The following DNAAF9 variants were observed in gnomAD, a reference collection of about 807,000 sequenced individuals.
The protein encoded by DNAAF9 is dynein axonemal assembly factor 9.
Under a neutral mutation model 167.0 loss-of-function variants are expected in DNAAF9, and 90 were observed. The ratio of observed to expected loss-of-function variants is 0.54; its 90% CI spans 0.45 to 0.64. The LOEUF (loss-of-function observed/expected upper bound fraction) is 0.64, where lower values mean the gene tolerates loss of function less well. DNAAF9 is among the 30% of genes least tolerant of loss of function. The pLI, the probability that DNAAF9 is intolerant of heterozygous loss-of-function variation, is 0.00. For synonymous variants in DNAAF9, 491 were observed against 508.8 expected, an observed-to-expected ratio of 0.96 and a Z score of 0.47; for missense variants, 1,315 against 1,442.2, an observed-to-expected ratio of 0.91 and a Z score of 1.43.
chr20:3,324,809 T>G lies in DNAAF9; in HGVS notation c.1265+83A>C, dbSNP rs1039699367. 4 of 741,876 alleles carry G rather than the reference T, an allele frequency of 5.4e-6. No homozygotes were observed. The East Asian group carries it at 7.4e-5, about 14-fold the overall frequency. 46.0% of individuals were successfully genotyped at this position (741,876 alleles called of 1,614,324 possible). On this transcript the variant is annotated intron_variant, in intron 14 of 36. Transcript: ENST00000252032. ...ACTGAAACATTTCTCAAAGGGGAGA[T>G]GAAATCTAAATTATAAGGGAAAAAA... is the stretch of plus-strand genomic sequence containing the variant.
At position 3,304,457 on chromosome 20, in the gene DNAAF9, T is replaced by C. The variant is rs375517958; in HGVS notation, c.1765A>G (p.Ile589Val). The C allele has an allele frequency of 2.2e-5, 32 of 1,467,918 alleles. No individual in the cohort carries two copies. Among genetic ancestry groups the C allele is most frequent in the Non-Finnish European group, 2.9e-5 (30 of 1,047,176 alleles). The allele number at this position is 1,467,918 out of a possible 1,614,324, so 90.9% of individuals were successfully genotyped here. ...IIISKDHMNS[I>V]SFYDGDSTST... ...ACACCTACCCCATCATAGAAGGAAA[T>C]GGAATTCATGTGATCCTTGGAAATG... Residue 589 changes from isoleucine to valine, a missense_variant, in exon 21 of 37, where the codon ATT becomes GTT. By Grantham distance (29) the Ile-to-Val change is conservative (BLOSUM62 3). Coordinates refer to ENST00000252032, the MANE Select transcript of DNAAF9 (RefSeq NM_001009984.3).
At chr20:3,358,304 G>A (rs563913669) in intron 7 of DNAAF9, among the ~76,000 whole-genome samples, 2 of 151,746 alleles carry the variant, frequency 1.3e-5, no homozygotes, top group East Asian at 1.9e-4. Flanking sequence ...TTTTTTTTTA[G>A]ATGGAGTCTT....
Position 3,407,651 on chromosome 20 carries a change from G to A in DNAAF9, c.-94C>T, listed in dbSNP as rs1431955096. 2 of 1,129,782 alleles carry A rather than the reference G, an allele frequency of 1.8e-6. No homozygotes were observed. Among genetic ancestry groups the A allele is most frequent in the African/African-American group, 1.7e-5 (1 of 60,486 alleles). 70.0% of individuals were successfully genotyped at this position (1,129,782 alleles called of 1,614,324 possible). ...TCCACGCTAGCTGCGGCCGGGCGGGGCGGCAGGGCGTGCCGGGTGGGAGGG... is the reference window on the plus strand; with the variant it reads ...TCCACGCTAGCTGCGGCCGGGCGGGACGGCAGGGCGTGCCGGGTGGGAGGG... On this transcript the variant is annotated 5_prime_UTR_variant, in exon 1 of 37. Coordinates refer to ENST00000252032, the MANE Select transcript of DNAAF9 (RefSeq NM_001009984.3).
intron 7 of DNAAF9, among the ~76,000 whole-genome samples, chr20:3,351,666 T>C (rs1459264844): frequency 6.6e-6 from 1 of 151,960 alleles, no homozygotes; most frequent in Non-Finnish European, 1.5e-5. Flanking sequence ...TAAAATCACA[T>C]TTGGATGATA....
intron 20 of DNAAF9, among the ~76,000 whole-genome samples, chr20:3,305,313 A>G (rs1231020578): frequency 6.6e-5 from 10 of 152,240 alleles, no homozygotes; most frequent in Non-Finnish European, 4.4e-5. Context: ...CAAAGCACCC[A>G]TAAGACTCCT....
At chr20:3,253,908 A>T in intron 35 of DNAAF9, 89 bp from the exon 36 acceptor site, 2 of 774,762 alleles carry the variant, frequency 2.6e-6, no homozygotes, top group Non-Finnish European at 4.5e-6. Context: ...TTTCCCTAGC[A>T]AGATAGACTA....
intron 29 of DNAAF9, among the ~76,000 whole-genome samples, chr20:3,278,679 A>G (rs1028178019): frequency 2.0e-5 from 3 of 152,138 alleles, no homozygotes; most frequent in African/African-American, 7.2e-5. Flanking sequence ...AGACCACGCT[A>G]TTGCACTCCA....
chr20:3,324,022 A>G (rs1051071018), intron 14 of DNAAF9, among the ~76,000 whole-genome samples: 6 of 152,184 alleles, frequency 3.9e-5, no homozygotes, highest in Non-Finnish European at 8.8e-5. Context: ...AACTTCCTTT[A>G]TCCTTTCCCT....
At chr20:3,281,842 G>T in intron 27 of DNAAF9, 76 bp from the exon 28 acceptor site, 3 of 1,475,932 alleles carry the variant, frequency 2.0e-6, no homozygotes, top group Non-Finnish European at 2.8e-6. Context: ...ATCCCGAATG[G>T]CTGATTGAAC....
At chr20:3,318,949 G>T (rs1054281268) in intron 16 of DNAAF9, among the ~76,000 whole-genome samples, 8 of 151,810 alleles carry the variant, frequency 5.3e-5, no homozygotes, top group African/African-American at 1.9e-4. Context: ...CAGGCATGGT[G>T]GCGTGTGCCT....
At chr20:3,340,428 C>A in intron 10 of DNAAF9, 76 bp downstream of exon 10, 1 of 384,980 alleles carries the variant, frequency 2.6e-6, no homozygotes, top group Non-Finnish European at 5.4e-6. Context: ...TTCTTTTTGT[C>A]TAGCTCCCCC....
At chr20:3,389,168 AC>A (rs1461986645) in intron 1 of DNAAF9, among the ~76,000 whole-genome samples, 2 of 151,808 alleles carry the variant, frequency 1.3e-5, no homozygotes, top group African/African-American at 4.8e-5. Flanking sequence ...ATGAGGTTTC[AC>A]AGGTCTCACT....
At position 3,259,469 on chromosome 20, in the gene DNAAF9, C is replaced by T. The variant is rs201546754; in HGVS notation, c.3055+11G>A. Reference sequence around the variant, plus strand: ...ATGGTGTAGAGCTCCCAAATCCCAGCCCCTGGTTACCTGAAAACTTCACTT... The same window carrying T: ...ATGGTGTAGAGCTCCCAAATCCCAGTCCCTGGTTACCTGAAAACTTCACTT... On this transcript the variant is annotated intron_variant, in intron 33 of 36. Coordinates refer to ENST00000252032, the MANE Select transcript of DNAAF9 (RefSeq NM_001009984.3). The T allele has an allele frequency of 3.2e-5, 49 of 1,512,430 alleles. No homozygotes were observed. Among genetic ancestry groups the T allele is most frequent in the Non-Finnish European group, 4.1e-5 (46 of 1,108,726 alleles). 93.7% of individuals were successfully genotyped at this position (1,512,430 alleles called of 1,614,324 possible). A position where few individuals can be genotyped will look rare whatever the true frequency, so the allele number is the denominator to read the frequency against.
At chr20:3,326,142 A>G (rs1193045277) in intron 13 of DNAAF9, 55 bp downstream of exon 13, 2 of 1,272,012 alleles carry the variant, frequency 1.6e-6, no homozygotes, top group Non-Finnish European at 1.1e-6. Flanking sequence ...ACATGGATAG[A>G]ATGTTTTACA....
rs752793419 is a variant in DNAAF9, at chr20:3,296,841, A to G, written c.2018+20T>C. 2 of 1,533,098 alleles carry G rather than the reference A, an allele frequency of 1.3e-6. No individual in the cohort carries two copies. The highest frequency in any genetic ancestry group is 2.2e-5 in the South Asian group (2 of 89,004). The allele number at this position is 1,533,098 out of a possible 1,614,324, so 95.0% of individuals were successfully genotyped here. Reference sequence around the variant, plus strand: ...ACAAAGCCTAGGGAAGCAAGCACAAATACTGAAGCAGCCACTTACAATCTC... The same window carrying G: ...ACAAAGCCTAGGGAAGCAAGCACAAGTACTGAAGCAGCCACTTACAATCTC... On this transcript the variant is annotated intron_variant, in intron 23 of 36. Coordinates refer to ENST00000252032, the MANE Select transcript of DNAAF9 (RefSeq NM_001009984.3).
intron 23 of DNAAF9, chr20:3,296,496 GC>G (rs1324075101): frequency 3.5e-6 from 1 of 287,472 alleles, no homozygotes; most frequent in Non-Finnish European, 6.6e-6. Context: ...TTCCACCCCG[GC>G]CTCCTGACTA....
chr20:3,369,129 C>CAA (rs35047918), intron 6 of DNAAF9, among the ~76,000 whole-genome samples: 399 of 133,850 alleles, frequency 3.0e-3, no homozygotes, highest in African/African-American at 8.2e-3. Flanking sequence ...AACTCTGTCT[C>CAA]AAAAAAAAAA....
chr20:3,341,513 C>A (rs903824929), intron 9 of DNAAF9, among the ~76,000 whole-genome samples: 6 of 152,300 alleles, frequency 3.9e-5, no homozygotes, highest in African/African-American at 1.4e-4. Flanking sequence ...CCTTCCAGTT[C>A]TTGCAGGAAA....
intron 2 of DNAAF9, 66 bp downstream of exon 2, chr20:3,382,361 C>CCT: frequency 8.6e-7 from 1 of 1,165,890 alleles, no homozygotes; most frequent in African/African-American, 1.5e-5. Flanking sequence ...ATTACTAATA[C>CCT]CTTCCTGTGA....
Sources: allele counts gnomAD v4.1 joint callset (sites outside exome capture counted in the v4.1 genomes callset), GRCh38; gene constraint gnomAD v4.1.1; transcripts MANE v1.5; gene names NCBI Gene and HGNC (gene_info 2026-07-23, HGNC 2026-07-21).